Variants in LDB2 observed in about 807,000 individuals in gnomAD.
The protein encoded by LDB2 is LIM domain-binding protein 2.
A neutral mutation model predicts 44.3 loss-of-function variants in LDB2; 12 were observed. The ratio of observed to expected loss-of-function variants is 0.27; its 90% confidence interval spans 0.17 to 0.44. The LOEUF (loss-of-function observed/expected upper bound fraction) is 0.44, where lower values mean the gene tolerates loss of function less well. LDB2 is among the 20% of genes least tolerant of loss of function. The pLI is 1.00. For missense variants in LDB2, 344 were observed against 473.5 expected, an observed-to-expected ratio of 0.73 and a Z score of 2.54; for synonymous variants, 164 against 174.8, an observed-to-expected ratio of 0.94 and a Z score of 0.49.
intron 5 of LDB2, among the ~76,000 whole-genome samples, chr4:16,562,779 C>G (rs539878887): frequency 3.3e-5 from 5 of 152,144 alleles, no homozygotes; most frequent in Non-Finnish European, 5.9e-5. Flanking sequence ...ATGTTTATTG[C>G]GGCACTATTC....
intron 2 of LDB2, among the ~76,000 whole-genome samples, chr4:16,598,258 CT>C (rs1317273832): frequency 6.6e-6 from 1 of 152,198 alleles, no homozygotes; most frequent in African/African-American, 2.4e-5. Context: ...GAAGCTTTCA[CT>C]TTGTTCTCAG....
intron 2 of LDB2, among the ~76,000 whole-genome samples, chr4:16,600,384 A>G (rs530191625): frequency 6.6e-6 from 1 of 152,312 alleles, no homozygotes; most frequent in Non-Finnish European, 1.5e-5. Flanking sequence ...TATAAAGGCG[A>G]TGGTATTTTT....
At chr4:16,886,990 G>A (rs962271021) in intron 1 of LDB2, among the ~76,000 whole-genome samples, 2 of 130,886 alleles carry the variant, frequency 1.5e-5, no homozygotes, top group African/African-American at 6.1e-5. Flanking sequence ...CTGAGATCGC[G>A]CCACTGCACT....
At chr4:16,806,985 C>T (rs370036322) in intron 1 of LDB2, among the ~76,000 whole-genome samples, 62 of 152,230 alleles carry the variant, frequency 4.1e-4, no homozygotes, top group African/African-American at 1.4e-3. Flanking sequence ...AGTATTTTTG[C>T]GTTTCAAATC....
At chr4:16,735,346 C>T (rs1247344239) in intron 2 of LDB2, among the ~76,000 whole-genome samples, 1 of 151,986 alleles carries the variant, frequency 6.6e-6, no homozygotes, top group Admixed American at 6.6e-5. Flanking sequence ...CTGCGTTCTC[C>T]TCCCTTCTGC....
At chr4:16,512,904 G>A (rs1161574291) in intron 5 of LDB2, among the ~76,000 whole-genome samples, 3 of 152,092 alleles carry the variant, frequency 2.0e-5, no homozygotes, top group Admixed American at 6.5e-5. Context: ...GGACTTTTCC[G>A]AATTCCTTCT....
chr4:16,568,691 AG>A (rs1421775081), intron 5 of LDB2, among the ~76,000 whole-genome samples: 1 of 152,210 alleles, frequency 6.6e-6, no homozygotes, highest in Non-Finnish European at 1.5e-5. Context: ...CAGAACCTAC[AG>A]ATAAGAAAAA....
chr4:16,804,661 A>G (rs974671263), intron 1 of LDB2, among the ~76,000 whole-genome samples: 3 of 152,188 alleles, frequency 2.0e-5, no homozygotes, highest in Non-Finnish European at 4.4e-5. Context: ...ATTGGTGAGG[A>G]CTGTGGCAAA....
chr4:16,720,453 C>A, intron 2 of LDB2, among the ~76,000 whole-genome samples: 1 of 152,120 alleles, frequency 6.6e-6, no homozygotes, highest in Admixed American at 6.6e-5. Flanking sequence ...TCACATAAAC[C>A]AATTCCTTGC....
intron 1 of LDB2, among the ~76,000 whole-genome samples, chr4:16,839,116 CA>C (rs1246800499): frequency 3.9e-5 from 6 of 152,158 alleles, no homozygotes; most frequent in African/African-American, 1.2e-4. Context: ...ACTTAATATA[CA>C]AGCTTATATT....
At chr4:16,751,150 G>A (rs908463708) in intron 2 of LDB2, among the ~76,000 whole-genome samples, 25 of 152,228 alleles carry the variant, frequency 1.6e-4, no homozygotes, top group Non-Finnish European at 2.8e-4. Flanking sequence ...GAACAAGCTC[G>A]TGAGGGCAGT....
At chr4:16,627,966 T>A (rs926074456) in intron 2 of LDB2, among the ~76,000 whole-genome samples, 1 of 152,148 alleles carries the variant, frequency 6.6e-6, no homozygotes, top group African/African-American at 2.4e-5. Context: ...ACATGGGGTT[T>A]ATGAGTCAAA....
At chr4:16,586,411 C>A (rs1716811465) in intron 4 of LDB2, among the ~76,000 whole-genome samples, 1 of 151,454 alleles carries the variant, frequency 6.6e-6, no homozygotes, top group Non-Finnish European at 1.5e-5. Context: ...GCCTTTGTTT[C>A]CTGCTGTGAT....
intron 5 of LDB2, among the ~76,000 whole-genome samples, chr4:16,570,335 C>T (rs1745989309): frequency 1.3e-5 from 2 of 150,760 alleles, no homozygotes; most frequent in Non-Finnish European, 3.0e-5. Context: ...TGGTGGCGGG[C>T]ACCTGTAGTT....
chr4:16,887,651 C>T (rs529770571), intron 1 of LDB2, among the ~76,000 whole-genome samples: 5 of 151,198 alleles, frequency 3.3e-5, no homozygotes, highest in South Asian at 2.1e-4. Flanking sequence ...AAATGACCTA[C>T]GTTGGGAAGA....
intron 2 of LDB2, among the ~76,000 whole-genome samples, chr4:16,600,889 G>A (rs1381011374): frequency 6.6e-6 from 1 of 151,874 alleles, no homozygotes. Context: ...ATACAAGCTG[G>A]GAGCTCATAA....
chr4:16,874,048 C>T (rs111249163), intron 1 of LDB2, among the ~76,000 whole-genome samples: 36 of 152,186 alleles, frequency 2.4e-4, no homozygotes, highest in African/African-American at 8.4e-4. Context: ...ATCCAGTCAT[C>T]GCTTAACAGA....
At position 16,582,665 on chromosome 4, in the gene LDB2, T is replaced by C. The variant is rs1715194503; in HGVS notation, c.615+3257A>G. On this transcript the variant is annotated intron_variant, in intron 5 of 7. Transcript: ENST00000304523. This position sits in a 1 kb window ranked among gnomAD's most constrained non-coding sequence, Gnocchi z 4.8. ...CCCATCCTGCAGGTCCCTTCCCAGC[T>C]CTGGCTTGGATAACTGCTGCAGGGA... 6.6e-6 allele frequency among the ~76,000 whole-genome samples: 1 copy of C among 152,152 alleles called. No homozygotes were observed. The highest frequency in any genetic ancestry group is 1.5e-5 in the Non-Finnish European group (1 of 68,008).
chr4:16,847,905 C>T (rs1281529722), intron 1 of LDB2, among the ~76,000 whole-genome samples: 8 of 152,206 alleles, frequency 5.3e-5, no homozygotes, highest in South Asian at 4.1e-4. Flanking sequence ...CGTGAGCCAC[C>T]GCGCCCAGCC....
Sources: gnomAD v4.1 joint callset for allele counts (sites outside exome capture counted in the v4.1 genomes callset) on GRCh38, gnomAD v4.1.1 for gene constraint, Gnocchi (gnomAD v3.1) non-coding constraint, MANE v1.5 for transcripts, NCBI Gene and HGNC (gene_info 2026-07-23, HGNC 2026-07-21) for gene names.